The following MVK variants were observed in gnomAD, a reference collection of about 807,000 sequenced individuals.
The protein encoded by MVK is LH receptor mRNA-binding protein.
Under a neutral mutation model 43.2 loss-of-function variants are expected in MVK, and 34 were observed. The observed-to-expected ratio is 0.79, with a 90% CI of 0.60 to 1.05. The LOEUF (loss-of-function observed/expected upper bound fraction) is 1.05. Among genes scored for constraint, MVK ranks in the 50% least tolerant of loss-of-function variants. The probability of loss-of-function intolerance (pLI) is 0.00; values close to 1 mark genes in which losing one functional copy is unlikely to be tolerated. For synonymous variants in MVK, 190 were observed against 219.8 expected (o/e 0.86, Z 1.20); for missense variants, 395 against 504.0 (o/e 0.78, Z 2.07).
Position 109,591,234 on chromosome 12 carries a change from T to C in MVK, c.769-7T>C, listed in dbSNP as rs104895331. The C allele has an allele frequency of 3.7e-6, 6 of 1,613,980 alleles. No individual in the cohort carries two copies. Among genetic ancestry groups the C allele is most frequent in the Admixed American group, 1.7e-5 (1 of 60,032 alleles). On this transcript the variant is annotated splice_region_variant and splice_polypyrimidine_tract_variant and intron_variant, in intron 8 of 10. Coordinates refer to ENST00000228510, the MANE Select transcript of MVK (RefSeq NM_000431.4). The stretch of plus-strand genomic sequence containing the variant: ...CCTCACCAGCCGTTCCTTCTTTTTT[T>C]CTCCAGTTCCCAGAGATCGTGGCCC...
upstream of MVK, chr12:109,573,287 TGGC>T: frequency 3.7e-6 from 6 of 1,607,948 alleles, no homozygotes; most frequent in Non-Finnish European, 5.1e-6. Context: ...GACGTACCCA[TGGC>T]GACGACACCA....
chr12:109,576,615 A>T (rs971091755), intron 3 of MVK, among the ~76,000 whole-genome samples: 5 of 152,198 alleles, frequency 3.3e-5, no homozygotes, highest in Non-Finnish European at 7.3e-5. Flanking sequence ...TCATGCCTGT[A>T]ATTCCAGCAC....
intron 6 of MVK, among the ~76,000 whole-genome samples, chr12:109,586,495 A>G (rs1885438772): frequency 6.6e-6 from 1 of 152,104 alleles, no homozygotes; most frequent in Non-Finnish European, 1.5e-5. Context: ...CACCTTCACC[A>G]TGTGGCTTGT....
intron 3 of MVK, among the ~76,000 whole-genome samples, chr12:109,576,502 C>T (rs181843663): frequency 6.6e-6 from 1 of 151,682 alleles, no homozygotes; most frequent in East Asian, 1.9e-4. Flanking sequence ...TGGGAGAGAC[C>T]TAGGGCCAGA....
intron 3 of MVK, 32 bp downstream of exon 3, chr12:109,576,177 A>C: frequency 1.9e-6 from 3 of 1,613,722 alleles, no homozygotes; most frequent in Non-Finnish European, 2.5e-6. Flanking sequence ...CAGGTGTGCT[A>C]AGAGCCTACA....
chr12:109,580,398 C>T (rs1338299889), intron 4 of MVK, among the ~76,000 whole-genome samples: 6 of 152,190 alleles, frequency 3.9e-5, no homozygotes, highest in Non-Finnish European at 8.8e-5. Context: ...CGACTGCACC[C>T]GGCCCCAGCC....
chr12:109,573,702 A>C, upstream of MVK: 1 of 628,562 alleles, frequency 1.6e-6, no homozygotes, highest in Non-Finnish European at 2.9e-6. Flanking sequence ...CCTATTGACC[A>C]ATGTTCAAGC....
chr12:109,573,603 C>T, upstream of MVK: 1 of 1,204,324 alleles, frequency 8.3e-7, no homozygotes, highest in Non-Finnish European at 1.2e-6. Flanking sequence ...CAGTTCTCAC[C>T]CCAGGGCGGG....
intron 3 of MVK, among the ~76,000 whole-genome samples, chr12:109,578,391 C>T (rs749464536): frequency 1.3e-5 from 2 of 152,004 alleles, no homozygotes; most frequent in Non-Finnish European, 2.9e-5. Flanking sequence ...ACCACTGCAC[C>T]GTGCTACTAC....
chr12:109,573,664 G>A (rs1163413840), upstream of MVK: 2 of 730,072 alleles, frequency 2.7e-6, no homozygotes, highest in Admixed American at 4.5e-5. Flanking sequence ...AGCGGGGCGG[G>A]AAAACCCGTG....
chr12:109,586,294 C>T (rs1476723225), intron 6 of MVK, among the ~76,000 whole-genome samples, 169 bp downstream of exon 6: 1 of 152,210 alleles, frequency 6.6e-6, no homozygotes, highest in East Asian at 1.9e-4. Flanking sequence ...GGGGCCCTGT[C>T]TCACACCCCC....
rs1170024909 is a variant in MVK, at chr12:109,588,358, C to T, written c.677+1559C>T. 2.0e-5 allele frequency: 3 copies of T among 152,260 alleles called. No individual in the cohort carries two copies. The East Asian group carries it at 5.8e-4, about 29-fold the overall frequency. 9.4% of individuals were successfully genotyped at this position (152,260 alleles called of 1,614,324 possible). On this transcript the variant is annotated intron_variant, in intron 7 of 10. Transcript: ENST00000228510. ...CATTCCTTCAGTGTCTCCTGAGAGCCACTTGTGGCCTAAGCACTGGACTAG... is the reference window on the plus strand; with the variant it reads ...CATTCCTTCAGTGTCTCCTGAGAGCTACTTGTGGCCTAAGCACTGGACTAG...
rs1885888473 is a variant in MVK at position 109,595,709 on chromosome 12, T to G, written c.1039+528T>G. Among the ~76,000 whole-genome samples, 1 of 152,140 alleles carries G rather than the reference T, an allele frequency of 6.6e-6. No individual in the cohort carries two copies. Among genetic ancestry groups the G allele is most frequent in the African/African-American group, 2.4e-5 (1 of 41,430 alleles). ...AACCACCTGACACCTACCTCTGCCC[T>G]CAGGCTCGCTCCTGGCCTACAGTAG... On this transcript the variant is annotated intron_variant, in intron 10 of 10. Coordinates refer to ENST00000228510, the MANE Select transcript of MVK (RefSeq NM_000431.4). This position sits in a 1 kb window ranked among gnomAD's most constrained non-coding sequence, Gnocchi z 5.9.
chr12:109,575,077 G>A lies in MVK; in HGVS notation c.78+177G>A, dbSNP rs104895343. ...CCCACTGAAGGGATTCTTGGGCCTC[G>A]CTCGGTATGATAGCAAAAAGATGAT... On this transcript the variant is annotated intron_variant, in intron 2 of 10. Transcript: ENST00000228510. 3.6e-3 allele frequency among the ~76,000 whole-genome samples: 553 copies of A among 152,200 alleles called. 3 individuals carry two copies. Among genetic ancestry groups the A allele is most frequent in the South Asian group, 0.012 (58 of 4,810 alleles).
rs1240077031 is a variant in MVK, at chr12:109,579,793, G to A, written c.227-9G>A. Reference sequence around the variant, plus strand: ...CCCACTTGTGTTTGCTTGTTTGCCTGTGGAACAGAGCAAGGTGATGTCACA... The same window carrying A: ...CCCACTTGTGTTTGCTTGTTTGCCTATGGAACAGAGCAAGGTGATGTCACA... On this transcript the variant is annotated splice_polypyrimidine_tract_variant and intron_variant, in intron 3 of 10. Coordinates refer to ENST00000228510, the MANE Select transcript of MVK (RefSeq NM_000431.4). 1.2e-6 allele frequency: 2 copies of A among 1,614,118 alleles called. No homozygotes were observed. Among genetic ancestry groups the A allele is most frequent in the African/African-American group, 1.3e-5 (1 of 74,948 alleles).
intron 3 of MVK, 119 bp from the exon 4 acceptor site, chr12:109,579,683 A>G: frequency 1.4e-6 from 2 of 1,388,244 alleles, no homozygotes; most frequent in Non-Finnish European, 2.0e-6. Flanking sequence ...TTCAGACCAT[A>G]AATTCGTGTC....
intron 3 of MVK, among the ~76,000 whole-genome samples, chr12:109,577,325 A>G (rs1197035636): frequency 6.6e-6 from 1 of 152,166 alleles, no homozygotes; most frequent in African/African-American, 2.4e-5. Flanking sequence ...TGCTCTTTGG[A>G]ACAGTGTTTC....
In MVK at chr12:109,595,555, T is replaced by C. The variant is rs1192568484; in HGVS notation, c.1039+374T>C. On this transcript the variant is annotated intron_variant, in intron 10 of 10. Transcript: ENST00000228510. The surrounding 1 kb of genome is among the most constrained non-coding windows in gnomAD (Gnocchi z 5.9). Reference sequence around the variant, plus strand: ...TACCCTTGATGTGGTCAGGATGCGGTTGATTTTGCTACAAAACGAAAGGGT... The same window carrying C: ...TACCCTTGATGTGGTCAGGATGCGGCTGATTTTGCTACAAAACGAAAGGGT... Among the ~76,000 whole-genome samples the C allele has an allele frequency of 1.3e-5, 2 of 152,136 alleles. No individual in the cohort carries two copies. Among genetic ancestry groups the C allele is most frequent in the Admixed American group, 6.5e-5 (1 of 15,276 alleles).
At chr12:109,589,990 A>G (rs11067376) in intron 7 of MVK, 58,147 of 154,788 alleles carry the variant, frequency 0.38, 11,302 homozygotes, top group Middle Eastern at 0.44. Flanking sequence ...GGACACGTCT[A>G]TGTGCCAGAG....
Sources: gnomAD v4.1 joint callset for allele counts (sites outside exome capture counted in the v4.1 genomes callset) on GRCh38, gnomAD v4.1.1 for gene constraint, Gnocchi (gnomAD v3.1) non-coding constraint, MANE v1.5 for transcripts, NCBI Gene and HGNC (gene_info 2026-07-23, HGNC 2026-07-21) for gene names.